Variants in PHACTR4 observed in about 807,000 individuals in gnomAD.
PHACTR4 encodes phosphatase and actin regulator 4, also known as protein phosphatase 1, regulatory subunit 124.
A neutral mutation model predicts 72.7 loss-of-function variants in PHACTR4; 51 were observed. The observed-to-expected ratio is 0.70, with a 90% confidence interval of 0.56 to 0.89. PHACTR4 has a LOEUF of 0.89. PHACTR4 is among the 40% of genes least tolerant of loss of function. The pLI is 0.00. For synonymous variants in PHACTR4, 255 were observed against 302.5 expected, an observed-to-expected ratio of 0.84 and a Z score of 1.63; for missense variants, 731 against 861.8, an observed-to-expected ratio of 0.85 and a Z score of 1.90.
chr1:28,375,151 T>C (rs1408303656), intron 1 of PHACTR4, among the ~76,000 whole-genome samples: 1 of 151,888 alleles, frequency 6.6e-6, no homozygotes, highest in Non-Finnish European at 1.5e-5. Context: ...ATAAAACAAT[T>C]AGCTGGGGGT....
intron 6 of PHACTR4, among the ~76,000 whole-genome samples, chr1:28,471,521 CTTTT>C (rs71675377): frequency 7.0e-6 from 1 of 143,158 alleles, no homozygotes. Flanking sequence ...AAAAGAACTA[CTTTT>C]TTTTTTTTTT....
At chr1:28,491,820 CTTTCTCTT>C (rs1185025843) in intron 12 of PHACTR4, 33 bp downstream of exon 12, 7 of 1,598,030 alleles carry the variant, frequency 4.4e-6, no homozygotes, top group Non-Finnish European at 6.0e-6. Flanking sequence ...CTTTTTTTCT[CTTTCTCTT>C]TTTCTCTTTA....
intron 1 of PHACTR4, among the ~76,000 whole-genome samples, chr1:28,387,186 A>G (rs1652624038): frequency 6.7e-6 from 1 of 150,050 alleles, no homozygotes; most frequent in Non-Finnish European, 1.5e-5. Flanking sequence ...ACTTGAACCC[A>G]GGAGGCAGAG....
chr1:28,447,395 CTTT>C (rs970088054), intron 2 of PHACTR4, among the ~76,000 whole-genome samples: 1 of 132,766 alleles, frequency 7.5e-6, no homozygotes. Flanking sequence ...TTTCTTTTTT[CTTT>C]TTTTTTTTTT....
intron 2 of PHACTR4, among the ~76,000 whole-genome samples, chr1:28,445,033 G>A (rs1657348580): frequency 1.3e-5 from 2 of 151,706 alleles, no homozygotes; most frequent in Admixed American, 1.3e-4. Flanking sequence ...TCAGCTCACT[G>A]CAACCTCCAC....
intron 10 of PHACTR4, 143 bp from the exon 11 acceptor site, chr1:28,490,808 A>G (rs1248471669): frequency 1.3e-6 from 1 of 788,662 alleles, no homozygotes; most frequent in Non-Finnish European, 2.0e-6. Flanking sequence ...GTACCATTGC[A>G]CTCCAGCCTG....
intron 3 of PHACTR4, among the ~76,000 whole-genome samples, chr1:28,459,731 A>G (rs1243432711): frequency 6.6e-6 from 1 of 152,170 alleles, no homozygotes; most frequent in Admixed American, 6.6e-5. Flanking sequence ...TTAAACATCA[A>G]AATGGTCATG....
chr1:28,455,576 T>C lies in PHACTR4; in HGVS notation c.17-3509T>C, dbSNP rs76912901. 3.0e-3 allele frequency among the ~76,000 whole-genome samples: 461 copies of C among 152,232 alleles called. 4 individuals are homozygous for C. The highest frequency in any genetic ancestry group is 0.011 in the African/African-American group (447 of 41,534). ...TCTGTCTCTTTTAACCTCCATGAGG[T>C]TTCCAGATAATAATCTGGTATTGGG... On this transcript the variant is annotated intron_variant, in intron 2 of 13. Transcript: ENST00000373839.
chr1:28,371,575 G>A (rs1176462154), intron 1 of PHACTR4, among the ~76,000 whole-genome samples: 17 of 151,928 alleles, frequency 1.1e-4, no homozygotes, highest in African/African-American at 4.1e-4. Flanking sequence ...GATTACAAGC[G>A]TGAGCCACCG....
At chr1:28,483,227 C>T (rs571884648) in intron 9 of PHACTR4, among the ~76,000 whole-genome samples, 3 of 151,624 alleles carry the variant, frequency 2.0e-5, no homozygotes, top group Non-Finnish European at 2.9e-5. Flanking sequence ...GACCCTGTCT[C>T]GACAAAAAAA....
chr1:28,391,596 A>G (rs1343891848), intron 1 of PHACTR4, among the ~76,000 whole-genome samples: 1 of 120,098 alleles, frequency 8.3e-6, no homozygotes, highest in Non-Finnish European at 1.7e-5. Context: ...GTAAAAATAT[A>G]TTCTTTTTTT....
intron 9 of PHACTR4, among the ~76,000 whole-genome samples, chr1:28,485,874 G>A (rs991793174): frequency 1.1e-4 from 17 of 151,988 alleles, no homozygotes; most frequent in African/African-American, 3.6e-4. Context: ...ACTCCAGCCT[G>A]GGCAACAGAG....
In PHACTR4 at chr1:28,485,317, G is replaced by A. The variant is rs532534333; in HGVS notation, c.1761-3853G>A. 5.3e-5 allele frequency among the ~76,000 whole-genome samples: 8 copies of A among 152,192 alleles called. No homozygotes were observed. In the South Asian group the frequency reaches 1.4e-3, roughly 28 times the overall value. ...ATAGTTAATACTGTAGACTGGGCGC[G>A]GTGGCTCACGCCTGTAATCCCAACA... On this transcript the variant is annotated intron_variant, in intron 9 of 13. Transcript: ENST00000373839.
chr1:28,459,338 A>T, intron 3 of PHACTR4, 80 bp downstream of exon 3: 2 of 1,238,228 alleles, frequency 1.6e-6, no homozygotes, highest in Admixed American at 4.3e-5. Flanking sequence ...TTATCTTCCC[A>T]AGTTTCTGTA....
intron 2 of PHACTR4, among the ~76,000 whole-genome samples, chr1:28,414,428 A>G (rs1409181827): frequency 1.9e-5 from 1 of 52,682 alleles, no homozygotes; most frequent in East Asian, 2.6e-4. Context: ...CCTCTGTCTC[A>G]AAAAAAAAAA....
intron 1 of PHACTR4, among the ~76,000 whole-genome samples, chr1:28,381,567 G>C (rs907181695): frequency 6.9e-6 from 1 of 145,556 alleles, no homozygotes; most frequent in African/African-American, 2.6e-5. Context: ...CAAAGTGCTG[G>C]GATTACAGGC....
intron 2 of PHACTR4, among the ~76,000 whole-genome samples, chr1:28,424,668 T>G (rs985733851): frequency 6.6e-6 from 1 of 151,826 alleles, no homozygotes; most frequent in Admixed American, 6.6e-5. Context: ...TTTTCTATTT[T>G]TAGTAGAGAT....
At chr1:28,371,865 A>G (rs747972728) in intron 1 of PHACTR4, among the ~76,000 whole-genome samples, 34 of 152,140 alleles carry the variant, frequency 2.2e-4, no homozygotes, top group Middle Eastern at 3.4e-3. Flanking sequence ...AAGTGCTGGT[A>G]TTAAACCTTA....
chr1:28,370,121 C>A (rs535541527), intron 1 of PHACTR4, among the ~76,000 whole-genome samples: 18 of 152,056 alleles, frequency 1.2e-4, no homozygotes, highest in South Asian at 2.1e-4. Flanking sequence ...CGTTGCTCCC[C>A]CTTTGTGTCC....
Sources: gnomAD v4.1 joint callset for allele counts (sites outside exome capture counted in the v4.1 genomes callset) on GRCh38, gnomAD v4.1.1 for gene constraint, MANE v1.5 for transcripts, NCBI Gene and HGNC (gene_info 2026-07-23, HGNC 2026-07-21) for gene names.